The following CPE variants were observed in gnomAD, a reference collection of about 807,000 sequenced individuals.
CPE encodes the protein carbocypeptidase E.
A neutral mutation model predicts 53.5 loss-of-function variants in CPE; 17 were observed. The observed-to-expected ratio is 0.32, with a 90% CI of 0.22 to 0.48. The LOEUF (loss-of-function observed/expected upper bound fraction) is 0.48, where lower values mean the gene tolerates loss of function less well. CPE is among the 20% of genes least tolerant of loss of function. The pLI, the probability that CPE is intolerant of heterozygous loss-of-function variation, is 0.99. For synonymous variants in CPE, 226 were observed against 228.8 expected (o/e 0.99, Z 0.11); for missense variants, 524 against 614.7 (o/e 0.85, Z 1.56).
intron 6 of CPE, among the ~76,000 whole-genome samples, chr4:165,492,741 T>A (rs1191163295): frequency 6.6e-6 from 1 of 152,154 alleles, no homozygotes; most frequent in Non-Finnish European, 1.5e-5. Flanking sequence ...AATCTATAGA[T>A]AACATAACCG....
At chr4:165,391,364 A>G (rs887900864) in intron 1 of CPE, among the ~76,000 whole-genome samples, 1 of 152,084 alleles carries the variant, frequency 6.6e-6, no homozygotes, top group Admixed American at 6.6e-5. Context: ...AAACATTCAT[A>G]CCTCTGCCAA....
At chr4:165,388,447 AC>A (rs1730632933) in intron 1 of CPE, among the ~76,000 whole-genome samples, 1 of 152,214 alleles carries the variant, frequency 6.6e-6, no homozygotes, top group Admixed American at 6.5e-5. Context: ...TAATTTAGGG[AC>A]TATTTAATGA....
chr4:165,391,053 A>T (rs1044862508), intron 1 of CPE, among the ~76,000 whole-genome samples: 2 of 152,168 alleles, frequency 1.3e-5, no homozygotes, highest in South Asian at 2.1e-4. Flanking sequence ...AGTCTATTTC[A>T]GTTTGCACAA....
intron 1 of CPE, chr4:165,404,355 A>C (rs552233526): frequency 7.7e-5 from 59 of 770,324 alleles, no homozygotes; most frequent in Middle Eastern, 3.1e-4. Context: ...TCATCTGAGG[A>C]GACTTCAGAC....
chr4:165,496,396 T>A (rs555467465), intron 8 of CPE, among the ~76,000 whole-genome samples: 1 of 152,368 alleles, frequency 6.6e-6, no homozygotes, highest in East Asian at 1.9e-4. Context: ...TGTGCATGTA[T>A]GTCTACATTG....
In CPE at chr4:165,484,484, T is replaced by A; in HGVS notation, c.853T>A (p.Tyr285Asn). Reference sequence around the variant, plus strand: ...CATTTTCCAAAGCTTGGCCCGGGCATACTCTTCTTTCAACCCGGCCATGTC... The same window carrying A: ...CATTTTCCAAAGCTTGGCCCGGGCAAACTCTTCTTTCAACCCGGCCATGTC... ...DAIFQSLARA[Y>N]SSFNPAMSDP... Residue 285 changes from tyrosine (Y) to asparagine (N), a missense_variant, in exon 5 of 9, where the codon TAC becomes AAC. By Grantham distance (143) the Tyr-to-Asn change is moderately radical. Transcript: ENST00000402744. 6.2e-7 allele frequency: 1 copy of A among 1,614,030 alleles called. No individual in the cohort carries two copies. Among genetic ancestry groups the A allele is most frequent in the Non-Finnish European group, 8.5e-7 (1 of 1,179,916 alleles).
chr4:165,457,865 G>A (rs909896743), intron 1 of CPE, among the ~76,000 whole-genome samples: 1 of 152,086 alleles, frequency 6.6e-6, no homozygotes, highest in South Asian at 2.1e-4. Flanking sequence ...CTGTAAGTGA[G>A]TAATCTGTTT....
At chr4:165,494,443 T>C (rs1010647241) in intron 7 of CPE, among the ~76,000 whole-genome samples, 2 of 152,100 alleles carry the variant, frequency 1.3e-5, no homozygotes, top group Non-Finnish European at 2.9e-5. Context: ...GAACTGACGG[T>C]AGAAAATGAA....
At chr4:165,459,070 ATGTGAGTTTCTGGGGTG>A (rs1420924381) in intron 1 of CPE, among the ~76,000 whole-genome samples, 1 of 152,162 alleles carries the variant, frequency 6.6e-6, no homozygotes, top group African/African-American at 2.4e-5. Context: ...ACCCACATGG[ATGTGAGTTTCTGGGGTG>A]TAAAAGAGTA....
intron 8 of CPE, 31 bp from the exon 9 acceptor site, chr4:165,497,481 A>C (rs112020947): frequency 7.8e-7 from 1 of 1,276,688 alleles, no homozygotes; most frequent in African/African-American, 1.5e-5. Context: ...ATGCAGTTTG[A>C]TAATAATATG....
intron 1 of CPE, among the ~76,000 whole-genome samples, chr4:165,385,310 C>T (rs749362620): frequency 4.6e-5 from 7 of 152,132 alleles, no homozygotes; most frequent in Non-Finnish European, 8.8e-5. Context: ...TTGGCTGCAT[C>T]GTCACGTGAG....
Position 165,495,667 on chromosome 4 carries a change from C to T in CPE, c.1322C>T (p.Pro441Leu). The T allele has an allele frequency of 6.2e-7, 1 of 1,604,054 alleles. No homozygotes were observed. The highest frequency in any genetic ancestry group is 8.5e-7 in the Non-Finnish European group (1 of 1,172,308). Residue 441 changes from proline to leucine, a missense_variant, in exon 8 of 9, where the codon CCT becomes CTT. By Grantham distance (98) the Pro-to-Leu change is moderately conservative. Coordinates refer to ENST00000402744, the MANE Select transcript of CPE (RefSeq NM_001873.4). Reference protein sequence around the residue: ...ITKKVAVPYSPAAGVDFELES... With the variant: ...ITKKVAVPYSLAAGVDFELES... The stretch of plus-strand genomic sequence containing the variant: ...AAGAAAGTGGCAGTTCCTTACAGCC[C>T]TGCTGCTGGGGTAAGTAATCATAAT...
chr4:165,424,457 AT>A (rs1363573123), intron 1 of CPE, among the ~76,000 whole-genome samples: 4 of 151,810 alleles, frequency 2.6e-5, no homozygotes, highest in Admixed American at 1.3e-4. Context: ...TTTTATCTTT[AT>A]TTTTTATTAC....
At chr4:165,426,911 G>A (rs938226953) in intron 1 of CPE, among the ~76,000 whole-genome samples, 3 of 152,160 alleles carry the variant, frequency 2.0e-5, no homozygotes, top group Non-Finnish European at 4.4e-5. Flanking sequence ...GGCAGAGAGC[G>A]GGCCTGAAAG....
chr4:165,396,856 C>A, intron 1 of CPE, among the ~76,000 whole-genome samples: 1 of 150,612 alleles, frequency 6.6e-6, no homozygotes, highest in East Asian at 2.0e-4. Flanking sequence ...TTGAGACCAG[C>A]CTGAGCAACA....
At chr4:165,457,053 T>G (rs1271854726) in intron 1 of CPE, among the ~76,000 whole-genome samples, 2 of 152,200 alleles carry the variant, frequency 1.3e-5, no homozygotes, top group East Asian at 3.8e-4. Flanking sequence ...CCTCATTATA[T>G]GTCTTATTGT....
intron 1 of CPE, among the ~76,000 whole-genome samples, chr4:165,382,955 T>C (rs953088829): frequency 6.6e-6 from 1 of 152,250 alleles, no homozygotes; most frequent in Non-Finnish European, 1.5e-5. Flanking sequence ...GTTGACCAGC[T>C]GAATGTTGGG....
intron 1 of CPE, among the ~76,000 whole-genome samples, chr4:165,445,752 T>A (rs1185504661): frequency 6.6e-6 from 1 of 152,188 alleles, no homozygotes; most frequent in African/African-American, 2.4e-5. Flanking sequence ...TTTATTTTTT[T>A]AAGCAAAAAT....
intron 1 of CPE, among the ~76,000 whole-genome samples, chr4:165,454,501 G>A (rs1731868555): frequency 6.6e-6 from 1 of 152,176 alleles, no homozygotes; most frequent in African/African-American, 2.4e-5. Flanking sequence ...TTTGTTTTAG[G>A]TAGTTAATGC....
Sources: gnomAD v4.1 joint callset for allele counts (sites outside exome capture counted in the v4.1 genomes callset) on GRCh38, gnomAD v4.1.1 for gene constraint, MANE v1.5 for transcripts, NCBI Gene and HGNC (gene_info 2026-07-23, HGNC 2026-07-21) for gene names.